Variants in SPPL3 observed in about 807,000 individuals in gnomAD.
SPPL3 encodes the protein signal peptide peptidase-like 3.
SPPL3 carries 5 observed loss-of-function variants against 42.4 expected under a neutral mutation model. The ratio of observed to expected loss-of-function variants is 0.12; its 90% CI spans 0.06 to 0.25. SPPL3 has a LOEUF of 0.25. Ranked by LOEUF, SPPL3 falls within the 10% of genes least tolerant of loss-of-function variation. SPPL3 has a pLI of 1.00. For missense variants in SPPL3, 235 were observed against 489.0 expected (o/e 0.48, Z 4.90); for synonymous variants, 195 against 181.8 (o/e 1.07, Z -0.58).
At chr12:120,849,064 G>C (rs1872139275) in intron 1 of SPPL3, among the ~76,000 whole-genome samples, 1 of 152,048 alleles carries the variant, frequency 6.6e-6, no homozygotes, top group Non-Finnish European at 1.5e-5. Flanking sequence ...TGCTCATGGA[G>C]GCTGAGATGG....
chr12:120,814,679 CCATCTAGT>C (rs1182687850), intron 1 of SPPL3, among the ~76,000 whole-genome samples: 2 of 152,024 alleles, frequency 1.3e-5, no homozygotes, highest in African/African-American at 2.4e-5. Flanking sequence ...GGTCTTACTC[CCATCTAGT>C]CATCACCCAA....
At chr12:120,881,183 T>C (rs764657105) in intron 1 of SPPL3, among the ~76,000 whole-genome samples, 1 of 151,642 alleles carries the variant, frequency 6.6e-6, no homozygotes, top group African/African-American at 2.4e-5. Context: ...AAAATTAAAA[T>C]GTTGCCCAGG....
At chr12:120,839,695 A>G (rs559861131) in intron 1 of SPPL3, among the ~76,000 whole-genome samples, 8 of 152,222 alleles carry the variant, frequency 5.3e-5, no homozygotes, top group Non-Finnish European at 1.0e-4. Context: ...GTCAACAACT[A>G]TATTAGGAAA....
intron 1 of SPPL3, among the ~76,000 whole-genome samples, chr12:120,891,311 A>C (rs1158765909): frequency 6.6e-6 from 1 of 152,136 alleles, no homozygotes; most frequent in African/African-American, 2.4e-5. Flanking sequence ...CTAATCTCCC[A>C]AATGTCTGGT....
At chr12:120,780,595 A>AG (rs1456839109) in intron 6 of SPPL3, among the ~76,000 whole-genome samples, 1 of 151,484 alleles carries the variant, frequency 6.6e-6, no homozygotes, top group Non-Finnish European at 1.5e-5. Context: ...TTTAAAAAAA[A>AG]AAAAAAAAAA....
rs547110814 is a variant in SPPL3 at position 120,848,531 on chromosome 12, C to T, written c.24-37645G>A. 3.3e-5 allele frequency among the ~76,000 whole-genome samples: 5 copies of T among 152,230 alleles called. No individual in the cohort carries two copies. The East Asian group carries it at 9.6e-4, about 29-fold the overall frequency. ...GCAAGGATTTACTTTAACTTACTTG[C>T]CCCCGCCACACCCCAGAAAGTGCTA... On this transcript the variant is annotated intron_variant, in intron 1 of 10. Transcript: ENST00000353487.
chr12:120,764,643 A>T lies in SPPL3; in HGVS notation c.*356T>A, dbSNP rs939949064. 15 of 387,190 alleles carry T rather than the reference A, an allele frequency of 3.9e-5. No individual in the cohort carries two copies. Among genetic ancestry groups the T allele is most frequent in the Non-Finnish European group, 5.5e-5 (12 of 219,272 alleles). The allele number at this position is 387,190 out of a possible 1,614,324, so 24.0% of individuals were successfully genotyped here. A position where few individuals can be genotyped will look rare whatever the true frequency, so the allele number is the denominator to read the frequency against. ...TTTTTTCATCCTTTTAGTGTTCAAA[A>T]GTTCTAGAAAGACTCCTCGCTGTTT... On this transcript the variant is annotated 3_prime_UTR_variant, in exon 11 of 11. Coordinates refer to ENST00000353487, the MANE Select transcript of SPPL3 (RefSeq NM_139015.5).
chr12:120,858,843 A>T (rs564555987), intron 1 of SPPL3, among the ~76,000 whole-genome samples: 8 of 152,232 alleles, frequency 5.3e-5, no homozygotes, highest in Non-Finnish European at 1.2e-4. Flanking sequence ...AGAACATAAT[A>T]GAGAAAACGA....
chr12:120,829,002 A>T (rs1386891567), intron 1 of SPPL3, among the ~76,000 whole-genome samples: 1 of 152,158 alleles, frequency 6.6e-6, no homozygotes, highest in African/African-American at 2.4e-5. Context: ...GGCTCAAGTG[A>T]TCCTCCTGCC....
At chr12:120,842,981 C>CTATA (rs1345278555) in intron 1 of SPPL3, among the ~76,000 whole-genome samples, 4 of 152,210 alleles carry the variant, frequency 2.6e-5, no homozygotes, top group Non-Finnish European at 5.9e-5. Flanking sequence ...ACAACTTCAA[C>CTATA]TATACATTTT....
chr12:120,772,451 G>C (rs938505288), intron 6 of SPPL3, among the ~76,000 whole-genome samples: 1 of 146,444 alleles, frequency 6.8e-6, no homozygotes, highest in Non-Finnish European at 1.5e-5. Context: ...ACGTGCTCCT[G>C]GGAAACAGAA....
intron 1 of SPPL3, among the ~76,000 whole-genome samples, chr12:120,883,146 T>C (rs1338884704): frequency 1.3e-5 from 2 of 151,250 alleles, no homozygotes; most frequent in Non-Finnish European, 2.9e-5. Flanking sequence ...CTACTAAAAA[T>C]ACAAAAAAAT....
At chr12:120,804,156 A>C (rs939145488) in intron 2 of SPPL3, among the ~76,000 whole-genome samples, 2 of 152,186 alleles carry the variant, frequency 1.3e-5, no homozygotes, top group Non-Finnish European at 2.9e-5. Flanking sequence ...GCCTTTACAA[A>C]AAAGGAACTA....
chr12:120,902,983 G>T (rs1018030197), intron 1 of SPPL3, among the ~76,000 whole-genome samples: 1 of 152,118 alleles, frequency 6.6e-6, no homozygotes, highest in African/African-American at 2.4e-5. Context: ...CGGATATGTA[G>T]GTTGTCACCC....
In SPPL3 at chr12:120,865,817, G is replaced by A. The variant is rs149350074; in HGVS notation, c.23+38028C>T. Reference sequence around the variant, plus strand: ...TTAGTGGCCTGTTAGAAACTGGGCCGTACTGTAGGAGGAGACAGGCAGGCA... The same window carrying A: ...TTAGTGGCCTGTTAGAAACTGGGCCATACTGTAGGAGGAGACAGGCAGGCA... On this transcript the variant is annotated intron_variant, in intron 1 of 10. Coordinates refer to ENST00000353487, the MANE Select transcript of SPPL3 (RefSeq NM_139015.5). Among the ~76,000 whole-genome samples, 7 of 152,316 alleles carry A rather than the reference G, an allele frequency of 4.6e-5. No homozygotes were observed. The South Asian group carries it at 6.2e-4, about 14-fold the overall frequency.
intron 2 of SPPL3, 67 bp from the exon 3 acceptor site, chr12:120,791,624 G>T: frequency 9.5e-7 from 1 of 1,050,568 alleles, no homozygotes. Flanking sequence ...AAAGTCATAT[G>T]ACAATATTTT....
chr12:120,848,130 C>A (rs1401657050), intron 1 of SPPL3, among the ~76,000 whole-genome samples: 1 of 152,242 alleles, frequency 6.6e-6, no homozygotes, highest in Non-Finnish European at 1.5e-5. Context: ...TTCTGATGAA[C>A]TCAGCAGCCG....
At chr12:120,807,354 A>G (rs1202134785) in intron 2 of SPPL3, among the ~76,000 whole-genome samples, 1 of 152,030 alleles carries the variant, frequency 6.6e-6, no homozygotes, top group African/African-American at 2.4e-5. Flanking sequence ...TTTTACCACA[A>G]TAAAAAAAAT....
intron 2 of SPPL3, among the ~76,000 whole-genome samples, chr12:120,796,155 C>G (rs1413158703): frequency 6.6e-6 from 1 of 152,128 alleles, no homozygotes; most frequent in Non-Finnish European, 1.5e-5. Context: ...GTGGGTGGAT[C>G]ACTTGACGAC....
Sources: gnomAD v4.1 joint callset for allele counts (sites outside exome capture counted in the v4.1 genomes callset) on GRCh38, gnomAD v4.1.1 for gene constraint, MANE v1.5 for transcripts, NCBI Gene and HGNC (gene_info 2026-07-23, HGNC 2026-07-21) for gene names.